RPS6KA2: variants seen among roughly 807,000 people sequenced by gnomAD.
The protein encoded by RPS6KA2 is ribosomal protein S6 kinase A2, also known as ribosomal protein S6 kinase alpha-2.
RPS6KA2 carries 42 observed loss-of-function variants against 91.8 expected under a neutral mutation model. The observed-to-expected ratio is 0.46, with a 90% CI of 0.36 to 0.59. The LOEUF (loss-of-function observed/expected upper bound fraction) is 0.59, where lower values mean the gene tolerates loss of function less well. RPS6KA2 is among the 20% of genes least tolerant of loss of function. RPS6KA2 has a pLI of 0.00. For synonymous variants in RPS6KA2, 414 were observed against 393.6 expected (o/e 1.05, Z -0.61); for missense variants, 798 against 978.5 (o/e 0.82, Z 2.46).
Position 166,556,656 on chromosome 6 carries a change from T to A in RPS6KA2, c.100-17872A>T, listed in dbSNP as rs186180596. On this transcript the variant is annotated intron_variant, in intron 1 of 20. Transcript: ENST00000265678. ...GGCACACCCAAAGGAACACAGGACATAATACAAACCTTCCTTTCCCACCAC... is the reference window on the plus strand; with the variant it reads ...GGCACACCCAAAGGAACACAGGACAAAATACAAACCTTCCTTTCCCACCAC... 5.1e-3 allele frequency among the ~76,000 whole-genome samples: 775 copies of A among 152,208 alleles called. 2 individuals carry two copies. The highest frequency in any genetic ancestry group is 8.8e-3 in the Admixed American group (134 of 15,302).
chr6:166,818,247 T>C (rs1779820968), intron 2 of RPS6KA2, among the ~76,000 whole-genome samples: 1 of 152,230 alleles, frequency 6.6e-6, no homozygotes, highest in Admixed American at 6.5e-5. Context: ...AATCATAGAT[T>C]GATCACGCTG....
rs62438750 is a variant in RPS6KA2 at position 166,791,654 on chromosome 6, C to T, written c.123+66546G>A. On this transcript the variant is annotated intron_variant, in intron 2 of 21. Coordinates refer to the RPS6KA2 transcript ENST00000503859. ...AGCAAATGTAAAAGAACAGAAATTA[C>T]AACAAACTGTCTCTCAGACCACAGT... 1.1e-4 allele frequency among the ~76,000 whole-genome samples: 16 copies of T among 151,780 alleles called. 1 individual carries two copies. The highest frequency in any genetic ancestry group is 4.2e-4 in the South Asian group (2 of 4,792).
intron 3 of RPS6KA2, among the ~76,000 whole-genome samples, chr6:166,511,839 A>C (rs1308389307): frequency 6.6e-6 from 1 of 152,254 alleles, no homozygotes; most frequent in South Asian, 2.1e-4. Context: ...ACCATCATGC[A>C]TTGCTGATGA....
At chr6:166,769,025 C>T (rs777906653) in intron 2 of RPS6KA2, among the ~76,000 whole-genome samples, 2 of 152,148 alleles carry the variant, frequency 1.3e-5, no homozygotes, top group Admixed American at 6.5e-5. Context: ...TGGCAACTTA[C>T]GGTTAATGCC....
intron 2 of RPS6KA2, among the ~76,000 whole-genome samples, chr6:166,784,982 C>G (rs985506827): frequency 2.0e-5 from 3 of 152,224 alleles, no homozygotes; most frequent in East Asian, 3.8e-4. Context: ...TCAGGAAAAT[C>G]CCCAGCTTGC....
chr6:166,448,893 C>T lies in RPS6KA2; in HGVS notation c.1207-44G>A, dbSNP rs376167160. On this transcript the variant is annotated intron_variant, in intron 13 of 20. Coordinates refer to ENST00000265678, the MANE Select transcript of RPS6KA2 (RefSeq NM_021135.6). The surrounding 1 kb of genome is among the most constrained non-coding windows in gnomAD (Gnocchi z 4.7). Reference sequence around the variant, plus strand: ...AAGAAGAGTTGTCGGAACCCTCACACGAGGGGACGGTGCAGCTACACGCAC... The same window carrying T: ...AAGAAGAGTTGTCGGAACCCTCACATGAGGGGACGGTGCAGCTACACGCAC... The T allele has an allele frequency of 2.4e-5, 39 of 1,608,188 alleles. No individual in the cohort carries two copies. The highest frequency in any genetic ancestry group is 2.3e-4 in the African/African-American group (17 of 74,748).
intron 8 of RPS6KA2, among the ~76,000 whole-genome samples, chr6:166,497,155 C>G (rs556488968): frequency 6.6e-6 from 1 of 152,346 alleles, no homozygotes; most frequent in East Asian, 1.9e-4. Context: ...GGGGACTTAG[C>G]TCTGTGGTCT....
chr6:166,694,016 A>G (rs556190979), intron 2 of RPS6KA2, among the ~76,000 whole-genome samples: 2 of 152,322 alleles, frequency 1.3e-5, no homozygotes, highest in African/African-American at 4.8e-5. Context: ...GAATGTCTCT[A>G]TTGTGCATTG....
intron 5 of RPS6KA2, among the ~76,000 whole-genome samples, chr6:166,505,320 G>A (rs1261840115): frequency 6.6e-6 from 1 of 152,140 alleles, no homozygotes; most frequent in African/African-American, 2.4e-5. Context: ...TGTCCCGGGG[G>A]CTCACTCAGG....
chr6:166,689,449 A>G (rs1488916474), intron 2 of RPS6KA2, among the ~76,000 whole-genome samples: 2 of 152,246 alleles, frequency 1.3e-5, no homozygotes, highest in African/African-American at 4.8e-5. Context: ...AACAATAAAT[A>G]TTTAATTGAA....
chr6:166,485,234 C>T (rs1781365404), intron 10 of RPS6KA2, among the ~76,000 whole-genome samples: 1 of 152,204 alleles, frequency 6.6e-6, no homozygotes, highest in Admixed American at 6.5e-5. Context: ...AGCTCTGGAC[C>T]AGACACTGAA....
At position 166,455,292 on chromosome 6, in the gene RPS6KA2, C is replaced by T. The variant is rs951631265; in HGVS notation, c.1076-4059G>A. Among the ~76,000 whole-genome samples, 7 of 152,232 alleles carry T rather than the reference C, an allele frequency of 4.6e-5. No homozygotes were observed. In the East Asian group the frequency reaches 1.2e-3, roughly 25 times the overall value. On this transcript the variant is annotated intron_variant, in intron 12 of 20. Transcript: ENST00000265678. ...ACAACGGTTATGAGGGCAGCCGCTC[C>T]GAAGCCCAGGAGCCGGGCCCCACGC...
At position 166,648,741 on chromosome 6, in the gene RPS6KA2, C is replaced by T. The variant is rs764191190; in HGVS notation, c.124-109957G>A. ...ATCTGTATTACAGTGATTACTCCGG[C>T]GTCTGCATCTCGTCCTGAGGTCCTG... On this transcript the variant is annotated intron_variant, in intron 2 of 21. Transcript: ENST00000503859. This position sits in a 1 kb window ranked among gnomAD's most constrained non-coding sequence, Gnocchi z 4.8. 2.6e-5 allele frequency among the ~76,000 whole-genome samples: 4 copies of T among 152,156 alleles called. No individual in the cohort carries two copies. The highest frequency in any genetic ancestry group is 1.3e-4 in the Admixed American group (2 of 15,284).
intron 2 of RPS6KA2, among the ~76,000 whole-genome samples, chr6:166,728,368 C>T (rs1790411503): frequency 6.6e-6 from 1 of 152,170 alleles, no homozygotes; most frequent in East Asian, 1.9e-4. Flanking sequence ...CGCAGGGGTC[C>T]CCCGGGGTCT....
intron 2 of RPS6KA2, among the ~76,000 whole-genome samples, chr6:166,670,253 G>A (rs1038212275): frequency 2.6e-5 from 4 of 152,238 alleles, no homozygotes; most frequent in Admixed American, 6.5e-5. Flanking sequence ...GCAGCCTGGT[G>A]AGAGGTCCAT....
intron 2 of RPS6KA2, among the ~76,000 whole-genome samples, chr6:166,824,165 A>G (rs996320185): frequency 6.6e-6 from 1 of 152,190 alleles, no homozygotes; most frequent in Non-Finnish European, 1.5e-5. Context: ...CTTTGCACCC[A>G]CGAGAAACTC....
chr6:166,454,843 AT>A (rs930964390), intron 12 of RPS6KA2, among the ~76,000 whole-genome samples: 3 of 150,986 alleles, frequency 2.0e-5, no homozygotes, highest in Non-Finnish European at 2.9e-5. Flanking sequence ...AATTAAATAT[AT>A]TTTAATATAT....
chr6:166,504,622 A>AAAAC lies in RPS6KA2; in HGVS notation c.460-11_460-10insGTTT. 1 of 1,585,104 alleles carries AAAAC rather than the reference A, an allele frequency of 6.3e-7. No homozygotes were observed. The highest frequency in any genetic ancestry group is 8.6e-7 in the Non-Finnish European group (1 of 1,162,066). ...CCTCCGTGAACATGACCTAGTAAGA[A>AAAAC]AAAAACAAAAACAAAAACAAAAAAC... On this transcript the variant is annotated splice_polypyrimidine_tract_variant and intron_variant, in intron 5 of 20. Transcript: ENST00000265678.
At chr6:166,606,669 A>T (rs1272211655) in intron 1 of RPS6KA2, among the ~76,000 whole-genome samples, 4 of 152,258 alleles carry the variant, frequency 2.6e-5, no homozygotes, top group Admixed American at 1.3e-4. Flanking sequence ...CCCAATTTTT[A>T]AAAATGGGCT....
Sources: gnomAD v4.1 joint callset for allele counts (sites outside exome capture counted in the v4.1 genomes callset) on GRCh38, gnomAD v4.1.1 for gene constraint, Gnocchi (gnomAD v3.1) non-coding constraint, MANE v1.5 for transcripts, NCBI Gene and HGNC (gene_info 2026-07-23, HGNC 2026-07-21) for gene names.